The following FOXP2 variants were observed in gnomAD, a reference collection of about 807,000 sequenced individuals.
FOXP2 encodes the protein forkhead box protein P2.
Under a neutral mutation model 115.8 loss-of-function variants are expected in FOXP2, and 12 were observed. The ratio of observed to expected loss-of-function variants is 0.10; its 90% CI spans 0.07 to 0.17. The LOEUF (loss-of-function observed/expected upper bound fraction) is 0.17, where lower values mean the gene tolerates loss of function less well. Among genes scored for constraint, FOXP2 ranks in the 10% least tolerant of loss-of-function variants. FOXP2 has a pLI of 1.00. For synonymous variants in FOXP2, 328 were observed against 297.7 expected, an observed-to-expected ratio of 1.10 and a Z score of -1.05; for missense variants, 629 against 843.5, an observed-to-expected ratio of 0.75 and a Z score of 3.15.
intron 3 of FOXP2, among the ~76,000 whole-genome samples, chr7:114,594,132 C>A (rs763394629): frequency 4.6e-5 from 7 of 151,904 alleles, no homozygotes; most frequent in Admixed American, 2.6e-4. Flanking sequence ...CCTGTTTTAA[C>A]CATATATATT....
At position 114,110,223 on chromosome 7, in the gene FOXP2, T is replaced by C. The variant is rs189865322; in HGVS notation, c.-247+22385T>C. Among the ~76,000 whole-genome samples, 7 of 152,290 alleles carry C rather than the reference T, an allele frequency of 4.6e-5. No individual in the cohort carries two copies. In the East Asian group the frequency reaches 1.2e-3, roughly 25 times the overall value. On this transcript the variant is annotated intron_variant, in intron 1 of 19. Transcript: ENST00000635638. ...CAGAGGGACCCACCTTATCTGATGA[T>C]TACCATTTGGCACTTATGCACACAC...
chr7:114,151,061 A>G (rs1308102703), intron 1 of FOXP2, among the ~76,000 whole-genome samples: 3 of 151,908 alleles, frequency 2.0e-5, no homozygotes, highest in Non-Finnish European at 2.9e-5. Context: ...TGGCCACCGA[A>G]TACCATTTTT....
At chr7:114,472,040 CACTAGTGTGCAAACAGGTTTGCTA>C (rs757432092) in intron 2 of FOXP2, among the ~76,000 whole-genome samples, 1 of 151,658 alleles carries the variant, frequency 6.6e-6, no homozygotes, top group Non-Finnish European at 1.5e-5. Flanking sequence ...TCATGTGCTG[CACTAGTGTGCAAACAGGTTTGCTA>C]ATTTGTGCAC....
At chr7:114,222,609 G>A (rs1367423709) in intron 1 of FOXP2, among the ~76,000 whole-genome samples, 2 of 152,136 alleles carry the variant, frequency 1.3e-5, no homozygotes, top group African/African-American at 4.8e-5. Flanking sequence ...TAATGAAGTC[G>A]CTACATTATA....
At chr7:114,641,002 C>A (rs1014470362) in intron 6 of FOXP2, among the ~76,000 whole-genome samples, 2 of 152,100 alleles carry the variant, frequency 1.3e-5, no homozygotes, top group Non-Finnish European at 2.9e-5. Context: ...ATACTCTCTT[C>A]ATTTTTTCCT....
intron 1 of FOXP2, among the ~76,000 whole-genome samples, chr7:114,228,396 T>A (rs1794794353): frequency 6.6e-6 from 1 of 152,002 alleles, no homozygotes; most frequent in African/African-American, 2.4e-5. Flanking sequence ...TTTCAAGAGC[T>A]GAAAGAAGAC....
intron 1 of FOXP2, among the ~76,000 whole-genome samples, chr7:114,224,985 AC>A: frequency 6.6e-6 from 1 of 152,160 alleles, no homozygotes; most frequent in Non-Finnish European, 1.5e-5. Context: ...CATCCCCCTT[AC>A]TTTGCTATTA....
chr7:114,415,788 G>T (rs1168721145), intron 1 of FOXP2, among the ~76,000 whole-genome samples: 3 of 151,938 alleles, frequency 2.0e-5, no homozygotes, highest in African/African-American at 7.2e-5. Context: ...GTGCCTCTCT[G>T]TGCCGTGCTG....
intron 1 of FOXP2, among the ~76,000 whole-genome samples, chr7:114,230,696 G>A (rs1351781349): frequency 6.6e-6 from 1 of 151,796 alleles, no homozygotes; most frequent in Non-Finnish European, 1.5e-5. Flanking sequence ...AACATTCAGT[G>A]TGCAAGGAAT....
At chr7:114,689,689 G>C in intron 16 of FOXP2, 93 bp from the exon 17 acceptor site, 1 of 1,270,950 alleles carries the variant, frequency 7.9e-7, no homozygotes, top group Non-Finnish European at 1.1e-6. Flanking sequence ...GTGTCTTCTT[G>C]CCTTTTTTCA....
intron 2 of FOXP2, among the ~76,000 whole-genome samples, chr7:114,459,217 G>C (rs1795453919): frequency 6.6e-6 from 1 of 152,184 alleles, no homozygotes; most frequent in Non-Finnish European, 1.5e-5. Flanking sequence ...GGCAAGTCAG[G>C]AGGGTAGCAC....
rs1209695629 is a variant in FOXP2 at position 114,691,101 on chromosome 7, T to C, written c.*1175T>C. On this transcript the variant is annotated 3_prime_UTR_variant, in exon 17 of 17. Coordinates refer to ENST00000350908, the MANE Select transcript of FOXP2 (RefSeq NM_014491.4). ...TGGATCACTGACCAAAACGATTATG[T>C]ACTTGATGCAAATGCAGATTGCATA... The C allele has an allele frequency of 2.2e-6, 1 of 454,098 alleles. No individual in the cohort carries two copies. Among genetic ancestry groups the C allele is most frequent in the Non-Finnish European group, 4.4e-6 (1 of 226,770 alleles). The allele number at this position is 454,098 out of a possible 1,614,324, so 28.1% of individuals were successfully genotyped here.
At chr7:114,241,542 G>A (rs1419358210) in intron 1 of FOXP2, among the ~76,000 whole-genome samples, 1 of 151,972 alleles carries the variant, frequency 6.6e-6, no homozygotes, top group East Asian at 1.9e-4. Flanking sequence ...ATACAGATTG[G>A]CCTTCATATG....
intron 3 of FOXP2, among the ~76,000 whole-genome samples, chr7:114,627,046 A>C (rs1804629210): frequency 6.6e-6 from 1 of 151,946 alleles, no homozygotes; most frequent in Non-Finnish European, 1.5e-5. Flanking sequence ...GGAGAAAAGA[A>C]AAGACATTGC....
intron 1 of FOXP2, among the ~76,000 whole-genome samples, chr7:114,163,532 T>C (rs1792894899): frequency 6.6e-6 from 1 of 152,188 alleles, no homozygotes; most frequent in Non-Finnish European, 1.5e-5. Flanking sequence ...ATTTCTTTAT[T>C]CACTCCGTGT....
intron 2 of FOXP2, among the ~76,000 whole-genome samples, chr7:114,328,447 A>G (rs1031800640): frequency 6.6e-6 from 1 of 151,836 alleles, no homozygotes; most frequent in Non-Finnish European, 1.5e-5. Context: ...CGTGTTAGCC[A>G]GGATGGTCTT....
At chr7:114,106,349 T>C (rs1481000226) in intron 1 of FOXP2, among the ~76,000 whole-genome samples, 4 of 147,594 alleles carry the variant, frequency 2.7e-5, no homozygotes, top group African/African-American at 1.0e-4. Context: ...TCCTAGCTGC[T>C]GTCCCCTCCT....
intron 8 of FOXP2, among the ~76,000 whole-genome samples, chr7:114,650,243 A>G (rs1426209417): frequency 6.6e-6 from 1 of 152,094 alleles, no homozygotes; most frequent in Non-Finnish European, 1.5e-5. Context: ...AAATCATTTT[A>G]AAAAGTGATT....
chr7:114,453,846 A>G (rs1562935674), intron 2 of FOXP2, among the ~76,000 whole-genome samples: 2 of 152,096 alleles, frequency 1.3e-5, no homozygotes, highest in South Asian at 4.2e-4. Context: ...TCCCTTCCTT[A>G]CACCTTATAC....
Sources: allele counts gnomAD v4.1 joint callset (sites outside exome capture counted in the v4.1 genomes callset), GRCh38; gene constraint gnomAD v4.1.1; transcripts MANE v1.5; gene names NCBI Gene and HGNC (gene_info 2026-07-23, HGNC 2026-07-21).